The following CNTN3 variants were observed in gnomAD, a reference collection of about 807,000 sequenced individuals.
CNTN3 encodes contactin-3.
In CNTN3, 60 loss-of-function variants were observed where a neutral mutation model predicts 119.1. The ratio of observed to expected loss-of-function variants is 0.50; its 90% confidence interval spans 0.41 to 0.62. CNTN3 has a LOEUF of 0.62. Among genes scored for constraint, CNTN3 ranks in the 20% least tolerant of loss-of-function variants. The pLI, the probability that CNTN3 is intolerant of heterozygous loss-of-function variation, is 0.00. For synonymous variants in CNTN3, 450 were observed against 438.7 expected (o/e 1.03, Z -0.32); for missense variants, 1,101 against 1,242.4 (o/e 0.89, Z 1.71).
At chr3:74,460,473 T>C (rs1178039930) in intron 4 of CNTN3, among the ~76,000 whole-genome samples, 2 of 151,918 alleles carry the variant, frequency 1.3e-5, no homozygotes, top group African/African-American at 4.8e-5. Context: ...GTCAGCTTTA[T>C]ACAATGTTCA....
chr3:74,479,529 T>C (rs538246208), intron 4 of CNTN3, among the ~76,000 whole-genome samples: 1 of 152,276 alleles, frequency 6.6e-6, no homozygotes, highest in South Asian at 2.1e-4. Context: ...TAAGTTAAGC[T>C]AAGTCTCTCG....
chr3:74,613,768 G>A (rs1238009717), intron 1 of CNTN3, among the ~76,000 whole-genome samples: 1 of 152,168 alleles, frequency 6.6e-6, no homozygotes. Flanking sequence ...AGCTTTGCAG[G>A]CTCCTCAGAG....
chr3:74,338,113 G>A (rs937559918), intron 11 of CNTN3, among the ~76,000 whole-genome samples: 4 of 152,038 alleles, frequency 2.6e-5, no homozygotes, highest in Non-Finnish European at 1.5e-5. Context: ...ACATGAGTGA[G>A]TGAAAATGGA....
chr3:74,371,021 C>A (rs1352140945), intron 6 of CNTN3, among the ~76,000 whole-genome samples, 175 bp downstream of exon 6: 2 of 152,120 alleles, frequency 1.3e-5, no homozygotes, highest in Non-Finnish European at 2.9e-5. Context: ...AAGAATTATG[C>A]ATAAGGACTA....
In CNTN3 at chr3:74,582,565, T is replaced by A. The variant is rs541269781; in HGVS notation, c.-81+31826A>T. Among the ~76,000 whole-genome samples, 4 of 152,280 alleles carry A rather than the reference T, an allele frequency of 2.6e-5. No individual in the cohort carries two copies. The East Asian group carries it at 7.7e-4, about 29-fold the overall frequency. On this transcript the variant is annotated intron_variant, in intron 1 of 22. Coordinates refer to ENST00000263665, the MANE Select transcript of CNTN3 (RefSeq NM_020872.3). ...AACAAACACTTCCCAAAAGAAGATC[T>A]ATACATGATAAATTAGCATATGAAA...
chr3:74,598,251 G>A (rs183306206), intron 1 of CNTN3, among the ~76,000 whole-genome samples: 1 of 151,954 alleles, frequency 6.6e-6, no homozygotes, highest in African/African-American at 2.4e-5. Context: ...AGCAAACCTG[G>A]AAAGCTGGAT....
At chr3:74,579,136 G>A (rs1042899558) in intron 1 of CNTN3, among the ~76,000 whole-genome samples, 3 of 151,384 alleles carry the variant, frequency 2.0e-5, no homozygotes, top group Non-Finnish European at 4.4e-5. Flanking sequence ...TAGACTTCAA[G>A]GCAAACAATA....
At chr3:74,274,822 A>T (rs1282760047) in intron 20 of CNTN3, among the ~76,000 whole-genome samples, 3 of 152,214 alleles carry the variant, frequency 2.0e-5, no homozygotes. Context: ...ATTTACTGGA[A>T]AAAGAATTCA....
chr3:74,381,123 C>A (rs145691425), intron 5 of CNTN3, among the ~76,000 whole-genome samples: 9 of 150,838 alleles, frequency 6.0e-5, no homozygotes, highest in African/African-American at 2.2e-4. Context: ...CACACACGCA[C>A]GCACAGTACT....
chr3:74,420,288 C>A (rs1701595952), intron 5 of CNTN3, among the ~76,000 whole-genome samples: 1 of 152,162 alleles, frequency 6.6e-6, no homozygotes, highest in Non-Finnish European at 1.5e-5. Context: ...TGCTCTTATG[C>A]AGAGCTGCCC....
At chr3:74,457,168 A>C (rs1419261666) in intron 4 of CNTN3, among the ~76,000 whole-genome samples, 1 of 152,066 alleles carries the variant, frequency 6.6e-6, no homozygotes, top group African/African-American at 2.4e-5. Context: ...TTGATAAACA[A>C]GATTATAAAA....
chr3:74,302,777 T>G lies in CNTN3; in HGVS notation c.1699A>C (p.Ile567Leu). Residue 567 changes from isoleucine to leucine, a missense_variant, in exon 14 of 23, where the codon ATT becomes CTT. By Grantham distance (5) the Ile-to-Leu change is conservative (BLOSUM62 2). Coordinates refer to ENST00000263665, the MANE Select transcript of CNTN3 (RefSeq NM_020872.3). The part of the protein sequence containing the change: ...SSSGDLMIRN[I>L]QLKHSGKYVC... ...TATTTCCCACTGTGTTTCAGCTGAATGTTTCTGATCATTAAATCACCAGAT... is the reference window on the plus strand; with the variant it reads ...TATTTCCCACTGTGTTTCAGCTGAAGGTTTCTGATCATTAAATCACCAGAT... The G allele has an allele frequency of 6.2e-7, 1 of 1,612,778 alleles. No homozygotes were observed. Among genetic ancestry groups the G allele is most frequent in the Admixed American group, 1.7e-5 (1 of 59,930 alleles).
chr3:74,454,452 T>C (rs560135245), intron 4 of CNTN3, among the ~76,000 whole-genome samples: 285 of 152,038 alleles, frequency 1.9e-3, no homozygotes, highest in African/African-American at 6.6e-3. Flanking sequence ...TGATGGGTCT[T>C]GACTCTTTAT....
chr3:74,595,918 C>T (rs1704799814), intron 1 of CNTN3, among the ~76,000 whole-genome samples: 2 of 152,122 alleles, frequency 1.3e-5, no homozygotes, highest in Admixed American at 6.6e-5. Flanking sequence ...TTGCAGACGA[C>T]ATGATAGTAT....
In CNTN3 at chr3:74,326,913, CT is replaced by C. The variant is rs1703145840; in HGVS notation, c.1668+7821del. On this transcript the variant is annotated intron_variant, in intron 13 of 22. Transcript: ENST00000263665. ...TTCTGGTATTTTTCCTTTAAAGACA[CT>C]TTTGGGATGTGGAAGAAGTATCTTT... 2.0e-5 allele frequency among the ~76,000 whole-genome samples: 3 copies of C among 152,016 alleles called. No homozygotes were observed. The South Asian group carries it at 6.2e-4, about 32-fold the overall frequency.
intron 19 of CNTN3, among the ~76,000 whole-genome samples, chr3:74,289,624 C>T (rs1165579962): frequency 2.6e-5 from 4 of 152,154 alleles, no homozygotes; most frequent in Non-Finnish European, 5.9e-5. Flanking sequence ...CCCTAAGTCT[C>T]TTTCGGCCAT....
At chr3:74,320,523 T>C (rs1449998296) in intron 13 of CNTN3, among the ~76,000 whole-genome samples, 1 of 151,074 alleles carries the variant, frequency 6.6e-6, no homozygotes, top group African/African-American at 2.4e-5. Flanking sequence ...TGTTGTGGGG[T>C]GGGGGGACGT....
At chr3:74,306,163 A>G (rs913326839) in intron 13 of CNTN3, among the ~76,000 whole-genome samples, 2 of 149,174 alleles carry the variant, frequency 1.3e-5, no homozygotes, top group African/African-American at 2.5e-5. Context: ...TTGTTAGAGA[A>G]TATAGTTAGT....
chr3:74,268,833 C>T (rs533312964), intron 20 of CNTN3, among the ~76,000 whole-genome samples: 1 of 152,070 alleles, frequency 6.6e-6, no homozygotes, highest in South Asian at 2.1e-4. Context: ...TTTGATGCAG[C>T]TGAGCTATAC....
Sources: gnomAD v4.1 joint callset for allele counts (sites outside exome capture counted in the v4.1 genomes callset) on GRCh38, gnomAD v4.1.1 for gene constraint, MANE v1.5 for transcripts, NCBI Gene and HGNC (gene_info 2026-07-23, HGNC 2026-07-21) for gene names.